The following NUDCD1 variants were observed in gnomAD, a reference collection of about 807,000 sequenced individuals.
NUDCD1 encodes NudC domain containing 1, also known as nudC domain-containing protein 1.
A neutral mutation model predicts 67.8 loss-of-function variants in NUDCD1; 60 were observed. That is an observed-to-expected ratio of 0.88 (90% CI 0.72 to 1.10). The LOEUF is 1.10. Among genes scored for constraint, NUDCD1 ranks in the 50% least tolerant of loss-of-function variants. The probability of loss-of-function intolerance (pLI) is 0.00; values close to 1 mark genes in which losing one functional copy is unlikely to be tolerated. For missense variants in NUDCD1, 643 were observed against 695.0 expected, an observed-to-expected ratio of 0.93 and a Z score of 0.84; for synonymous variants, 244 against 230.8, an observed-to-expected ratio of 1.06 and a Z score of -0.52.
chr8:109,331,178 T>C (rs1409644354), intron 1 of NUDCD1, among the ~76,000 whole-genome samples: 3 of 151,954 alleles, frequency 2.0e-5, no homozygotes, highest in African/African-American at 7.3e-5. Context: ...CCGTCTCTAA[T>C]ACAAAAATTA....
chr8:109,248,808 T>C (rs542411744), intron 8 of NUDCD1, among the ~76,000 whole-genome samples: 34 of 152,254 alleles, frequency 2.2e-4, no homozygotes, highest in African/African-American at 7.0e-4. Flanking sequence ...TATTCACTAT[T>C]ACTTTCCTTA....
In NUDCD1 at chr8:109,293,372, C is replaced by T; in HGVS notation, c.612G>A (p.Glu204=). The T allele has an allele frequency of 6.3e-7, 1 of 1,579,114 alleles. No individual in the cohort carries two copies. The highest frequency in any genetic ancestry group is 8.6e-7 in the Non-Finnish European group (1 of 1,164,400). The change falls in exon 4 of 10, where the codon GAG becomes GAA. Residue 204 remains glutamate (E), a synonymous_variant. Coordinates refer to ENST00000239690, the MANE Select transcript of NUDCD1 (RefSeq NM_032869.4). ...GATTTTTCTTACTGATAGTGACCCA[C>T]TCCAGAGAAACATAGAAACCACTTC... The part of the protein sequence containing the change: ...MKGSGFYVSL[E]WVTISKKNQD...
chr8:109,255,533 T>A (rs183327524), intron 8 of NUDCD1, among the ~76,000 whole-genome samples: 1 of 152,298 alleles, frequency 6.6e-6, no homozygotes, highest in East Asian at 1.9e-4. Context: ...GATACTTTTT[T>A]TTCATTTTTT....
intron 8 of NUDCD1, among the ~76,000 whole-genome samples, chr8:109,265,733 A>T (rs1813978342): frequency 6.6e-6 from 1 of 152,176 alleles, no homozygotes; most frequent in South Asian, 2.1e-4. Context: ...GAAACCTCAG[A>T]TTATCAGGCA....
At position 109,242,268 on chromosome 8, in the gene NUDCD1, T is replaced by C. The variant is rs1813384683; in HGVS notation, c.*741A>G. ...CTCTCTTAAGATGTTTTCTCTACTA[T>C]GGAAAGAAGATTCGTCTAGTCTACT... On this transcript the variant is annotated 3_prime_UTR_variant, in exon 10 of 10. Coordinates refer to ENST00000239690, the MANE Select transcript of NUDCD1 (RefSeq NM_032869.4). The C allele has an allele frequency of 5.1e-6, 2 of 395,946 alleles. No individual in the cohort carries two copies. Among genetic ancestry groups the C allele is most frequent in the African/African-American group, 2.1e-5 (1 of 48,638 alleles). The allele number at this position is 395,946 out of a possible 1,614,324, so 24.5% of individuals were successfully genotyped here. A position where few individuals can be genotyped will look rare whatever the true frequency, so the allele number is the denominator to read the frequency against.
intron 1 of NUDCD1, among the ~76,000 whole-genome samples, chr8:109,323,117 C>T (rs1402923668): frequency 6.6e-6 from 1 of 152,164 alleles, no homozygotes; most frequent in African/African-American, 2.4e-5. Flanking sequence ...CCTCCCACTC[C>T]TCCTGCCCTT....
intron 8 of NUDCD1, among the ~76,000 whole-genome samples, chr8:109,249,249 A>G (rs1322187101): frequency 1.3e-5 from 2 of 152,210 alleles, no homozygotes; most frequent in African/African-American, 4.8e-5. Flanking sequence ...CTTAATAAGT[A>G]TTAATGTTAA....
At chr8:109,267,160 C>T (rs1814022474) in intron 8 of NUDCD1, among the ~76,000 whole-genome samples, 1 of 152,044 alleles carries the variant, frequency 6.6e-6, no homozygotes, top group Non-Finnish European at 1.5e-5. Context: ...GGTACTTGTG[C>T]AAGTTTGCTA....
At chr8:109,270,925 C>A (rs1814138380) in intron 8 of NUDCD1, 80 bp downstream of exon 8, 1 of 913,678 alleles carries the variant, frequency 1.1e-6, no homozygotes, top group South Asian at 2.0e-5. Flanking sequence ...AATCAAGTAT[C>A]TTTGAAAAAC....
At chr8:109,263,056 A>AT (rs1813905050) in intron 8 of NUDCD1, among the ~76,000 whole-genome samples, 1 of 133,836 alleles carries the variant, frequency 7.5e-6, no homozygotes, top group Non-Finnish European at 1.7e-5. Flanking sequence ...CTCTGTCTCA[A>AT]AAAAAAAAAA....
At chr8:109,322,275 C>G in intron 2 of NUDCD1, 34 bp downstream of exon 2, 1 of 1,196,228 alleles carries the variant, frequency 8.4e-7, no homozygotes, top group Non-Finnish European at 1.2e-6. Flanking sequence ...ATATTACATA[C>G]ATATATTAAT....
At chr8:109,289,970 TA>T in intron 4 of NUDCD1, 37 bp from the exon 5 acceptor site, 2 of 900,380 alleles carry the variant, frequency 2.2e-6, no homozygotes, top group Non-Finnish European at 3.3e-6. Context: ...ACATTACAAA[TA>T]AAAACTATTA....
At chr8:109,312,423 G>A (rs1815279757) in intron 2 of NUDCD1, among the ~76,000 whole-genome samples, 1 of 151,958 alleles carries the variant, frequency 6.6e-6, no homozygotes, top group Admixed American at 6.6e-5. Flanking sequence ...TGGCTAAAGT[G>A]CCATGTTGGT....
chr8:109,241,592 T>C lies in NUDCD1; in HGVS notation c.*1417A>G, dbSNP rs1403809353. 1 of 152,298 alleles carries C rather than the reference T, an allele frequency of 6.6e-6. No individual in the cohort carries two copies. Among genetic ancestry groups the C allele is most frequent in the Non-Finnish European group, 1.5e-5 (1 of 68,132 alleles). 9.4% of individuals were successfully genotyped at this position (152,298 alleles called of 1,614,324 possible). A position where few individuals can be genotyped will look rare whatever the true frequency, so the allele number is the denominator to read the frequency against. ...TTAGGACTCCAATTGTCAATACCAG[T>C]CCTCAGGACCTTTCCTAACTTTCTA... On this transcript the variant is annotated 3_prime_UTR_variant, in exon 10 of 10. Coordinates refer to ENST00000239690, the MANE Select transcript of NUDCD1 (RefSeq NM_032869.4).
At chr8:109,248,594 A>G (rs1345719565) in intron 8 of NUDCD1, among the ~76,000 whole-genome samples, 1 of 152,114 alleles carries the variant, frequency 6.6e-6, no homozygotes, top group East Asian at 1.9e-4. Context: ...TTAACCTAAC[A>G]AGAGGGTGAC....
intron 5 of NUDCD1, among the ~76,000 whole-genome samples, chr8:109,288,284 T>C (rs1814621571): frequency 6.6e-6 from 1 of 152,194 alleles, no homozygotes; most frequent in South Asian, 2.1e-4. Flanking sequence ...GTCTTGGAAC[T>C]GCATGGTTCC....
chr8:109,275,827 T>C (rs1430287743), intron 6 of NUDCD1, among the ~76,000 whole-genome samples: 1 of 152,100 alleles, frequency 6.6e-6, no homozygotes, highest in African/African-American at 2.4e-5. Flanking sequence ...ACAAGAAGCA[T>C]GGATCTATAA....
chr8:109,257,179 G>A (rs555133474), intron 8 of NUDCD1, among the ~76,000 whole-genome samples: 1 of 151,994 alleles, frequency 6.6e-6, no homozygotes, highest in African/African-American at 2.4e-5. Flanking sequence ...GAAATAAAAC[G>A]TATGCAGATT....
intron 2 of NUDCD1, among the ~76,000 whole-genome samples, chr8:109,303,106 G>C (rs1201395121): frequency 6.6e-6 from 1 of 152,172 alleles, no homozygotes; most frequent in Admixed American, 6.5e-5. Context: ...CTAGCCACTG[G>C]GCCAAGGAAA....
Sources: allele counts gnomAD v4.1 joint callset (sites outside exome capture counted in the v4.1 genomes callset), GRCh38; gene constraint gnomAD v4.1.1; transcripts MANE v1.5; gene names NCBI Gene and HGNC (gene_info 2026-07-23, HGNC 2026-07-21).